CTNNA2: variants seen among roughly 807,000 people sequenced by gnomAD.
The protein encoded by CTNNA2 is catenin alpha-2.
Under a neutral mutation model 101.0 loss-of-function variants are expected in CTNNA2, and 42 were observed. That is an observed-to-expected ratio of 0.42 (90% confidence interval 0.32 to 0.54). CTNNA2 has a LOEUF of 0.54. Ranked by LOEUF, CTNNA2 falls within the 20% of genes least tolerant of loss-of-function variation. The pLI, the probability that CTNNA2 is intolerant of heterozygous loss-of-function variation, is 0.14. For synonymous variants in CTNNA2, 450 were observed against 456.4 expected, an observed-to-expected ratio of 0.99 and a Z score of 0.18; for missense variants, 871 against 1,223.1, an observed-to-expected ratio of 0.71 and a Z score of 4.29.
At chr2:79,898,348 G>A (rs1038335964) in intron 6 of CTNNA2, among the ~76,000 whole-genome samples, 1 of 151,940 alleles carries the variant, frequency 6.6e-6, no homozygotes, top group African/African-American at 2.4e-5. Flanking sequence ...TATTGAGCAG[G>A]CTGGTCTCGA....
chr2:80,617,074 G>T (rs767269525), intron 17 of CTNNA2, among the ~76,000 whole-genome samples: 2 of 151,732 alleles, frequency 1.3e-5, no homozygotes, highest in African/African-American at 2.4e-5. Flanking sequence ...AATGCTGGGA[G>T]AATTGTACCA....
At chr2:80,513,243 A>G (rs1688852687) in intron 9 of CTNNA2, among the ~76,000 whole-genome samples, 1 of 152,226 alleles carries the variant, frequency 6.6e-6, no homozygotes. Flanking sequence ...AAATGTAAAG[A>G]ACAGAGAAAA....
At chr2:80,204,780 C>G (rs889880685) in intron 7 of CTNNA2, among the ~76,000 whole-genome samples, 18 of 150,876 alleles carry the variant, frequency 1.2e-4, no homozygotes, top group African/African-American at 3.9e-4. Context: ...TGTATTAGTT[C>G]ATTTTCATGC....
At chr2:79,857,991 C>T in intron 3 of CTNNA2, 22 bp from the exon 4 acceptor site, 2 of 1,601,150 alleles carry the variant, frequency 1.2e-6, no homozygotes, top group South Asian at 1.1e-5. Context: ...TACCCACCTG[C>T]CTCTCCGTGT....
chr2:80,017,192 C>T (rs1438469845), intron 7 of CTNNA2, among the ~76,000 whole-genome samples: 1 of 152,074 alleles, frequency 6.6e-6, no homozygotes, highest in Non-Finnish European at 1.5e-5. Flanking sequence ...GTAAACTTAA[C>T]TGGGAGTGGG....
chr2:79,211,470 G>T (rs533871270), intron 2 of CTNNA2, among the ~76,000 whole-genome samples: 1 of 152,170 alleles, frequency 6.6e-6, no homozygotes, highest in Non-Finnish European at 1.5e-5. Context: ...TAGGGGTGGG[G>T]CCTTTTTATA....
intron 1 of CTNNA2, among the ~76,000 whole-genome samples, chr2:79,648,874 T>A (rs1681017983): frequency 6.6e-6 from 1 of 152,226 alleles, no homozygotes; most frequent in South Asian, 2.1e-4. Flanking sequence ...CACATTTCTA[T>A]GACTTATTTT....
At chr2:79,411,843 A>C (rs1458702964) in intron 4 of CTNNA2, among the ~76,000 whole-genome samples, 1 of 152,116 alleles carries the variant, frequency 6.6e-6, no homozygotes, top group African/African-American at 2.4e-5. Context: ...TCAACTAACG[A>C]GCAAAATAAC....
At chr2:79,521,820 CAAG>C (rs951897968) in intron 1 of CTNNA2, among the ~76,000 whole-genome samples, 2 of 152,052 alleles carry the variant, frequency 1.3e-5, no homozygotes, top group African/African-American at 4.8e-5. Context: ...CAACGTGGCA[CAAG>C]AAGGAGAAAA....
At chr2:79,700,866 C>T (rs1293491935) in intron 2 of CTNNA2, among the ~76,000 whole-genome samples, 5 of 152,168 alleles carry the variant, frequency 3.3e-5, no homozygotes, top group Non-Finnish European at 5.9e-5. Flanking sequence ...AGAAATCTAA[C>T]AGCATACACT....
intron 7 of CTNNA2, among the ~76,000 whole-genome samples, chr2:80,232,759 T>G (rs1709330761): frequency 6.6e-6 from 1 of 152,062 alleles, no homozygotes; most frequent in South Asian, 2.1e-4. Flanking sequence ...TTCCTGCCCT[T>G]GAGTTCCAAT....
At chr2:80,145,694 C>T (rs1278405421) in intron 7 of CTNNA2, among the ~76,000 whole-genome samples, 1 of 152,200 alleles carries the variant, frequency 6.6e-6, no homozygotes, top group Admixed American at 6.5e-5. Flanking sequence ...GGAGCGTTTT[C>T]CTAGCAGATC....
chr2:80,448,443 C>T (rs372089174), intron 9 of CTNNA2, among the ~76,000 whole-genome samples: 8 of 152,150 alleles, frequency 5.3e-5, no homozygotes, highest in East Asian at 1.9e-4. Flanking sequence ...TACTTTGATT[C>T]CTTTGTTTCG....
intron 3 of CTNNA2, among the ~76,000 whole-genome samples, chr2:79,821,349 C>T (rs971289596): frequency 3.3e-5 from 5 of 152,138 alleles, no homozygotes; most frequent in African/African-American, 9.7e-5. Context: ...GCTGGGACTA[C>T]AGCTGTGCAT....
At chr2:79,670,177 AG>A (rs1300270722) in intron 2 of CTNNA2, among the ~76,000 whole-genome samples, 10 of 152,128 alleles carry the variant, frequency 6.6e-5, no homozygotes, top group Non-Finnish European at 1.5e-4. Context: ...TGGAAGAGGC[AG>A]GGCCCACACT....
chr2:80,133,880 T>C (rs1316024684), intron 7 of CTNNA2, among the ~76,000 whole-genome samples: 1 of 152,134 alleles, frequency 6.6e-6, no homozygotes, highest in East Asian at 1.9e-4. Context: ...ACAGACTATA[T>C]GTACTGAATT....
Position 79,909,639 on chromosome 2 carries a change from C to A in CTNNA2, c.898C>A (p.Arg300=). ...DPMTFSEARF[R]PSLEERLESI... Reference sequence around the variant, plus strand: ...CATGACGTTCAGCGAGGCCAGGTTCCGGCCGTCCCTGGAGGAGAGGCTGGA... The same window carrying A: ...CATGACGTTCAGCGAGGCCAGGTTCAGGCCGTCCCTGGAGGAGAGGCTGGA... The change falls in exon 7 of 19, where the codon CGG becomes AGG. Residue 300 remains arginine (R), a synonymous_variant. Transcript: ENST00000402739. 1 of 1,613,196 alleles carries A rather than the reference C, an allele frequency of 6.2e-7. No homozygotes were observed. Among genetic ancestry groups the A allele is most frequent in the Non-Finnish European group, 8.5e-7 (1 of 1,179,310 alleles).
intron 4 of CTNNA2, among the ~76,000 whole-genome samples, chr2:79,463,022 C>G (rs905928599): frequency 6.6e-6 from 1 of 152,114 alleles, no homozygotes; most frequent in Admixed American, 6.5e-5. Flanking sequence ...GCTTACCAGC[C>G]CTTGCTGGGT....
chr2:79,655,024 A>C (rs1207884595), intron 2 of CTNNA2, among the ~76,000 whole-genome samples: 1 of 152,258 alleles, frequency 6.6e-6, no homozygotes, highest in East Asian at 1.9e-4. Flanking sequence ...TTAATTTTTA[A>C]AATTATTCAT....
Sources: allele counts gnomAD v4.1 joint callset (sites outside exome capture counted in the v4.1 genomes callset), GRCh38; gene constraint gnomAD v4.1.1; transcripts MANE v1.5; gene names NCBI Gene and HGNC (gene_info 2026-07-23, HGNC 2026-07-21).